The following ERLN variants were observed in gnomAD, a reference collection of about 807,000 sequenced individuals.
The protein encoded by ERLN is small integral membrane protein 6.
chr17:75,647,643 G>A, the ERLN span: 15 of 1,403,494 alleles, frequency 1.1e-5, no homozygotes, highest in South Asian at 8.0e-5. Flanking sequence ...GCCCCTTCGC[G>A]GTTCCCTCTG....
chr17:75,647,317 G>C, the ERLN span: 1 of 1,458,906 alleles, frequency 6.9e-7, no homozygotes, highest in Non-Finnish European at 9.2e-7. Context: ...ATAGCACCTG[G>C]GACAGGGCCT....
the ERLN span, among the ~76,000 whole-genome samples, chr17:75,647,129 T>A: frequency 6.6e-6 from 1 of 152,160 alleles, no homozygotes; most frequent in South Asian, 2.1e-4. Context: ...CTAGGAAGAA[T>A]CCAGGGCCCC....
chr17:75,646,321 G>A, the ERLN span: 1 of 152,434 alleles, frequency 6.6e-6, no homozygotes, highest in African/African-American at 2.4e-5. Flanking sequence ...CTCGGGGCAG[G>A]TCCGCAGTCC....
the ERLN span, chr17:75,647,462 T>C: frequency 2.6e-6 from 4 of 1,550,236 alleles, no homozygotes; most frequent in African/African-American, 1.4e-5. Flanking sequence ...GCAGTGATTA[T>C]CTTATTCATC....
chr17:75,647,014 A>G, the ERLN span, among the ~76,000 whole-genome samples: 2 of 152,228 alleles, frequency 1.3e-5, no homozygotes, highest in Non-Finnish European at 2.9e-5. Flanking sequence ...AGACTCTATC[A>G]TGATGCTTTT....
the ERLN span, chr17:75,647,582 C>A: frequency 3.9e-6 from 6 of 1,549,162 alleles, no homozygotes; most frequent in Non-Finnish European, 5.2e-6. Context: ...TTGCTGGGGA[C>A]TGAGATGGCA....
the ERLN span, chr17:75,647,551 G>C: frequency 6.5e-7 from 1 of 1,550,156 alleles, no homozygotes; most frequent in South Asian, 1.2e-5. Flanking sequence ...GTGTGAAGCG[G>C]GTGAAGAGGA....
At chr17:75,647,391 A>G in the ERLN span, 3 of 1,549,400 alleles carry the variant, frequency 1.9e-6, no homozygotes, top group Non-Finnish European at 2.6e-6. Context: ...ACCAACTGGT[A>G]TTCAAAGAGA....
chr17:75,647,222 C>A, the ERLN span: 1 of 637,940 alleles, frequency 1.6e-6, no homozygotes, highest in Non-Finnish European at 2.7e-6. Context: ...AGCACAAAGA[C>A]TCTAGCCCTT....
At chr17:75,647,175 C>A in the ERLN span, among the ~76,000 whole-genome samples, 2 of 152,172 alleles carry the variant, frequency 1.3e-5, no homozygotes, top group African/African-American at 4.8e-5. Flanking sequence ...GTATCTAGAG[C>A]GGGGGAAATG....
chr17:75,647,640 C>A, the ERLN span: 1 of 1,438,410 alleles, frequency 7.0e-7, no homozygotes, highest in Non-Finnish European at 9.5e-7. Flanking sequence ...TGGGCCCCTT[C>A]GCGGTTCCCT....
the ERLN span, chr17:75,647,395 A>C: frequency 1.3e-6 from 2 of 1,549,418 alleles, no homozygotes; most frequent in African/African-American, 2.7e-5. Flanking sequence ...ACTGGTATTC[A>C]AAGAGACAAT....
the ERLN span, chr17:75,647,818 T>C: frequency 4.6e-6 from 2 of 432,744 alleles, no homozygotes; most frequent in Non-Finnish European, 8.6e-6. Flanking sequence ...ACCAGAACCC[T>C]AAAAGCACAT....
At chr17:75,647,165 G>GT in the ERLN span, among the ~76,000 whole-genome samples, 1 of 152,234 alleles carries the variant, frequency 6.6e-6, no homozygotes, top group African/African-American at 2.4e-5. Context: ...CCTGGCTCCT[G>GT]TATCTAGAGC....
At chr17:75,647,562 G>A in the ERLN span, 42 of 1,550,066 alleles carry the variant, frequency 2.7e-5, no homozygotes, top group Admixed American at 4.9e-4. Context: ...GTGAAGAGGA[G>A]TGACCTGACT....
At chr17:75,647,664 C>A in the ERLN span, 1 of 1,161,588 alleles carries the variant, frequency 8.6e-7, no homozygotes, top group Non-Finnish European at 1.2e-6. Context: ...GCTCAGGGGC[C>A]AAGCCCTGGT....
the ERLN span, chr17:75,647,294 CGGCG>C: frequency 7.8e-7 from 1 of 1,280,120 alleles, no homozygotes; most frequent in Non-Finnish European, 1.1e-6. Flanking sequence ...AGGCTGGAGT[CGGCG>C]GGCAGAGCAT....
the ERLN span, chr17:75,647,584 G>A: frequency 3.9e-6 from 6 of 1,549,078 alleles, no homozygotes; most frequent in Non-Finnish European, 5.2e-6. Flanking sequence ...GCTGGGGACT[G>A]AGATGGCAGC....
At chr17:75,647,600 A>C in the ERLN span, 1 of 1,544,774 alleles carries the variant, frequency 6.5e-7, no homozygotes, top group East Asian at 2.4e-5. Context: ...GCAGCAGGGG[A>C]GGCGAGCTGA....
Sources: gnomAD v4.1 joint callset for allele counts (sites outside exome capture counted in the v4.1 genomes callset) on GRCh38, gnomAD v4.1.1 for gene constraint, MANE v1.5 for transcripts, NCBI Gene and HGNC (gene_info 2026-07-23, HGNC 2026-07-21) for gene names.